FIP1L1: variants seen among roughly 807,000 people sequenced by gnomAD.
FIP1L1 encodes pre-mRNA 3'-end-processing factor FIP1.
Under a neutral mutation model 84.6 loss-of-function variants are expected in FIP1L1, and 21 were observed. That is an observed-to-expected ratio of 0.25 (90% CI 0.18 to 0.36). The LOEUF is 0.36. Among genes scored for constraint, FIP1L1 ranks in the 10% least tolerant of loss-of-function variants. The pLI is 1.00. For synonymous variants in FIP1L1, 263 were observed against 242.3 expected, an observed-to-expected ratio of 1.09 and a Z score of -0.80; for missense variants, 526 against 751.1, an observed-to-expected ratio of 0.70 and a Z score of 3.50.
chr4:53,423,125 TC>T (rs1293416253), intron 11 of FIP1L1, among the ~76,000 whole-genome samples: 4 of 152,232 alleles, frequency 2.6e-5, no homozygotes, highest in Admixed American at 2.0e-4. Context: ...ATCAGAATCA[TC>T]AAAATATGAT....
At chr4:53,391,592 T>C in intron 9 of FIP1L1, 94 bp downstream of exon 9, 1 of 851,220 alleles carries the variant, frequency 1.2e-6, no homozygotes, top group Non-Finnish European at 1.9e-6. Flanking sequence ...AAAGTGGAAA[T>C]AGCTACCTTT....
intron 15 of FIP1L1, among the ~76,000 whole-genome samples, chr4:53,444,359 AG>A: frequency 6.6e-6 from 1 of 152,336 alleles, no homozygotes; most frequent in South Asian, 2.1e-4. Flanking sequence ...AAAAGGATTT[AG>A]GATTTGTCAC....
At chr4:53,409,355 C>T (rs1302913901) in intron 10 of FIP1L1, among the ~76,000 whole-genome samples, 1 of 152,202 alleles carries the variant, frequency 6.6e-6, no homozygotes, top group African/African-American at 2.4e-5. Flanking sequence ...TTCCTCTGGA[C>T]GTTTTGCCTC....
At chr4:53,439,414 C>CT (rs1000253056) in intron 13 of FIP1L1, among the ~76,000 whole-genome samples, 10 of 152,058 alleles carry the variant, frequency 6.6e-5, no homozygotes, top group East Asian at 3.9e-4. Context: ...GCTTTGGTCT[C>CT]TTTTTTAAGG....
chr4:53,409,046 G>A (rs1317553496), intron 10 of FIP1L1, among the ~76,000 whole-genome samples: 5 of 152,188 alleles, frequency 3.3e-5, no homozygotes, highest in African/African-American at 4.8e-5. Flanking sequence ...GAGGAACTGC[G>A]TTCCTTTGGA....
chr4:53,392,687 A>T (rs1196218009), intron 9 of FIP1L1, among the ~76,000 whole-genome samples: 1 of 152,314 alleles, frequency 6.6e-6, no homozygotes, highest in East Asian at 1.9e-4. Flanking sequence ...TAGCTTCTGT[A>T]TACTTCATTT....
At chr4:53,404,467 G>A (rs1222408317) in intron 10 of FIP1L1, among the ~76,000 whole-genome samples, 11 of 152,040 alleles carry the variant, frequency 7.2e-5, no homozygotes, top group African/African-American at 2.7e-4. Flanking sequence ...TGCTGCAATA[G>A]ACATACGTGT....
At chr4:53,393,867 C>T (rs1745824040) in intron 9 of FIP1L1, among the ~76,000 whole-genome samples, 1 of 142,174 alleles carries the variant, frequency 7.0e-6, no homozygotes, top group South Asian at 2.2e-4. Context: ...ATCCATTGTA[C>T]CAAGCATTCT....
Position 53,414,692 on chromosome 4 carries a change from G to A in FIP1L1, c.893G>A (p.Arg298Gln), listed in dbSNP as rs1560532226. ...ANSSVGKWQD[R>Q]YGRAESPDLR... ...TCAAGCGTTGGGAAGTGGCAGGATC[G>A]ATATGGGAGGGCCGAATCACCTGAT... Residue 298 changes from arginine (R) to glutamine (Q), a missense_variant, in exon 11 of 18, where the codon CGA becomes CAA. Around this residue, in one of 6 missense-constraint regions of FIP1L1, gnomAD observed 80 missense variants for 151.1 expected, o/e 0.53. Transcript: ENST00000337488. 3.7e-6 allele frequency: 6 copies of A among 1,613,044 alleles called. No individual in the cohort carries two copies. The highest frequency in any genetic ancestry group is 4.2e-6 in the Non-Finnish European group (5 of 1,179,348).
intron 13 of FIP1L1, among the ~76,000 whole-genome samples, chr4:53,428,970 A>G (rs528861603): frequency 6.6e-6 from 1 of 152,326 alleles, no homozygotes; most frequent in South Asian, 2.1e-4. Flanking sequence ...TTTACTTCCT[A>G]TTAATCAAAT....
chr4:53,406,619 G>T (rs1464209467), intron 10 of FIP1L1, among the ~76,000 whole-genome samples: 2 of 152,092 alleles, frequency 1.3e-5, no homozygotes, highest in Non-Finnish European at 2.9e-5. Flanking sequence ...GTAGAATTCG[G>T]CTGTGAATCC....
At chr4:53,389,626 T>C (rs3762878) in intron 5 of FIP1L1, among the ~76,000 whole-genome samples, 183 bp from the exon 6 acceptor site, 19,759 of 152,188 alleles carry the variant, frequency 0.13, 2,557 homozygotes, top group African/African-American at 0.32. Context: ...GAGACCAGCC[T>C]GGACAACATG....
chr4:53,413,208 C>T (rs1444572502), intron 10 of FIP1L1, among the ~76,000 whole-genome samples: 1 of 151,680 alleles, frequency 6.6e-6, no homozygotes. Context: ...CAGGATGTTC[C>T]AGGCTTATCT....
Position 53,393,387 on chromosome 4 carries a change from A to T in FIP1L1, c.705+1889A>T, listed in dbSNP as rs1464408186. ...GAGACAGCCCATCAGCCTCTTTAAG[A>T]TAACTTTATTTACTTTTCATTAAAC... On this transcript the variant is annotated intron_variant, in intron 9 of 17. Transcript: ENST00000337488. Among the ~76,000 whole-genome samples the T allele has an allele frequency of 2.6e-5, 4 of 152,360 alleles. No homozygotes were observed. The East Asian group carries it at 7.7e-4, about 29-fold the overall frequency.
chr4:53,404,231 A>T (rs1429701182), intron 10 of FIP1L1, among the ~76,000 whole-genome samples: 2 of 134,178 alleles, frequency 1.5e-5, no homozygotes, highest in African/African-American at 5.7e-5. Flanking sequence ...TCATTGTTCA[A>T]TTCCCACCTA....
At chr4:53,425,178 T>C (rs1287726618) in intron 11 of FIP1L1, among the ~76,000 whole-genome samples, 1 of 152,162 alleles carries the variant, frequency 6.6e-6, no homozygotes, top group Non-Finnish European at 1.5e-5. Context: ...TGTAAAGTCC[T>C]TTATCTGCAT....
intron 11 of FIP1L1, among the ~76,000 whole-genome samples, chr4:53,421,964 A>G (rs1279488886): frequency 6.6e-6 from 1 of 152,224 alleles, no homozygotes; most frequent in Non-Finnish European, 1.5e-5. Context: ...AAGCCTAACC[A>G]TTAAGAGGGC....
chr4:53,443,517 G>C (rs1772897903), intron 14 of FIP1L1, among the ~76,000 whole-genome samples: 1 of 152,076 alleles, frequency 6.6e-6, no homozygotes, highest in South Asian at 2.1e-4. Context: ...AAATATGTGA[G>C]AACTTTACAT....
At chr4:53,453,465 TCAC>T (rs1717199739) in intron 16 of FIP1L1, among the ~76,000 whole-genome samples, 3 of 152,334 alleles carry the variant, frequency 2.0e-5, no homozygotes, top group Admixed American at 1.3e-4. Context: ...AAGAAAATTA[TCAC>T]CACTTCTATT....
Sources: allele counts gnomAD v4.1 joint callset (sites outside exome capture counted in the v4.1 genomes callset), GRCh38; gene constraint gnomAD v4.1.1; regional missense constraint gnomAD v4.1.1; transcripts MANE v1.5; gene names NCBI Gene and HGNC (gene_info 2026-07-23, HGNC 2026-07-21).